The following EYA4 variants were observed in gnomAD, a reference collection of about 807,000 sequenced individuals.
The protein encoded by EYA4 is EYA transcriptional coactivator and phosphatase 4, also known as protein phosphatase EYA4.
A neutral mutation model predicts 87.9 loss-of-function variants in EYA4; 31 were observed. The ratio of observed to expected loss-of-function variants is 0.35; its 90% CI spans 0.27 to 0.48. The LOEUF is 0.48. Ranked by LOEUF, EYA4 falls within the 20% of genes least tolerant of loss-of-function variation. EYA4 has a pLI of 0.99. For missense variants in EYA4, 678 were observed against 761.4 expected (o/e 0.89, Z 1.29); for synonymous variants, 263 against 270.6 (o/e 0.97, Z 0.28).
intron 1 of EYA4, among the ~76,000 whole-genome samples, chr6:133,259,827 A>G (rs1304323129): frequency 6.6e-6 from 1 of 152,176 alleles, no homozygotes; most frequent in African/African-American, 2.4e-5. Flanking sequence ...GATTCCTGAG[A>G]AATTAATGTT....
At chr6:133,357,869 A>G (rs1422253458) in intron 2 of EYA4, among the ~76,000 whole-genome samples, 1 of 151,894 alleles carries the variant, frequency 6.6e-6, no homozygotes, top group Non-Finnish European at 1.5e-5. Context: ...TTTTTTATAT[A>G]TAATACTTAT....
At chr6:133,398,175 A>G (rs1787963277) in intron 3 of EYA4, among the ~76,000 whole-genome samples, 1 of 152,214 alleles carries the variant, frequency 6.6e-6, no homozygotes, top group Non-Finnish European at 1.5e-5. Context: ...GAAACAGAGG[A>G]ATCGTGAAAG....
At chr6:133,276,608 C>A (rs1182393535) in intron 2 of EYA4, among the ~76,000 whole-genome samples, 1 of 152,124 alleles carries the variant, frequency 6.6e-6, no homozygotes, top group Non-Finnish European at 1.5e-5. Context: ...TCCAGTGATG[C>A]TAGTGAGCAG....
chr6:133,352,381 C>T (rs1401607195), intron 2 of EYA4, among the ~76,000 whole-genome samples: 1 of 151,962 alleles, frequency 6.6e-6, no homozygotes, highest in African/African-American at 2.4e-5. Flanking sequence ...TGAGGAGGAG[C>T]TTAAAAGGTA....
chr6:133,244,464 T>C (rs1774241449), intron 1 of EYA4, among the ~76,000 whole-genome samples: 2 of 152,066 alleles, frequency 1.3e-5, no homozygotes, highest in Admixed American at 1.3e-4. Flanking sequence ...AAAGGAATAA[T>C]AATTATTAAT....
In EYA4 at chr6:133,525,231, G is replaced by A; in HGVS notation, c.1816G>A (p.Glu606Lys). ...VVYVVIGDGV[E>K]EEQAAKKHNM... Reference sequence around the variant, plus strand: ...GTATGTTGTAATTGGGGATGGTGTAGAAGAAGAACAGGCAGCAAAAAAGGT... The same window carrying A: ...GTATGTTGTAATTGGGGATGGTGTAAAAGAAGAACAGGCAGCAAAAAAGGT... Residue 606 changes from glutamate (E) to lysine (K), a missense_variant, in exon 19 of 20, where the codon GAA (glutamate) becomes AAA (lysine). Transcript: ENST00000355286. 1 of 1,613,546 alleles carries A rather than the reference G, an allele frequency of 6.2e-7. No homozygotes were observed. Among genetic ancestry groups the A allele is most frequent in the South Asian group, 1.1e-5 (1 of 91,066 alleles).
chr6:133,420,843 T>A (rs1790156796), intron 3 of EYA4, among the ~76,000 whole-genome samples: 1 of 152,214 alleles, frequency 6.6e-6, no homozygotes, highest in Non-Finnish European at 1.5e-5. Flanking sequence ...AGACAAGTAC[T>A]TCTCTAAACT....
intron 13 of EYA4, among the ~76,000 whole-genome samples, chr6:133,486,677 C>T (rs1393174552): frequency 6.6e-6 from 1 of 152,078 alleles, no homozygotes; most frequent in Non-Finnish European, 1.5e-5. Flanking sequence ...AGGAGCTAGC[C>T]CTACAAATTA....
chr6:133,518,193 A>G (rs1490853270), intron 17 of EYA4, among the ~76,000 whole-genome samples: 4 of 152,018 alleles, frequency 2.6e-5, no homozygotes, highest in Admixed American at 2.0e-4. Flanking sequence ...GATGTCTTCT[A>G]TATAAGTTAA....
intron 11 of EYA4, among the ~76,000 whole-genome samples, chr6:133,474,897 A>C (rs1251310134): frequency 1.3e-5 from 2 of 152,142 alleles, no homozygotes; most frequent in African/African-American, 4.8e-5. Flanking sequence ...GCTGAATTCT[A>C]CTTTTATAAT....
At chr6:133,385,371 T>G (rs1786632582) in intron 3 of EYA4, among the ~76,000 whole-genome samples, 1 of 147,494 alleles carries the variant, frequency 6.8e-6, no homozygotes, top group African/African-American at 2.5e-5. Context: ...CTCTCCTCTG[T>G]GTGTGTATGT....
At chr6:133,404,495 T>G (rs183807068) in intron 3 of EYA4, among the ~76,000 whole-genome samples, 4 of 152,198 alleles carry the variant, frequency 2.6e-5, no homozygotes, top group African/African-American at 9.7e-5. Flanking sequence ...AGCTGTTTTT[T>G]TTTTCGTATT....
intron 13 of EYA4, among the ~76,000 whole-genome samples, chr6:133,484,676 C>G (rs1351754562): frequency 6.6e-6 from 1 of 152,146 alleles, no homozygotes; most frequent in Non-Finnish European, 1.5e-5. Flanking sequence ...ATTGGCTTAT[C>G]AGAAGTACAC....
intron 2 of EYA4, among the ~76,000 whole-genome samples, chr6:133,305,751 G>A (rs909772464): frequency 6.6e-6 from 1 of 152,068 alleles, no homozygotes; most frequent in Admixed American, 6.6e-5. Context: ...TGCTACATGT[G>A]GTACCACTGG....
chr6:133,507,820 G>A (rs754919744), intron 14 of EYA4, among the ~76,000 whole-genome samples: 59 of 152,022 alleles, frequency 3.9e-4, no homozygotes, highest in Non-Finnish European at 7.4e-4. Flanking sequence ...ATTGAACATT[G>A]CTGCAGTAAA....
chr6:133,339,924 C>T lies in EYA4; in HGVS notation c.34-42468C>T, dbSNP rs548791884. Among the ~76,000 whole-genome samples the T allele has an allele frequency of 4.6e-5, 7 of 152,148 alleles. No individual in the cohort carries two copies. The South Asian group carries it at 8.3e-4, about 18-fold the overall frequency. ...TAACATGATGTCAAATCATCAGGGA[C>T]GGTGGCCAAGGATGGATTACAGAGG... On this transcript the variant is annotated intron_variant, in intron 2 of 19. Coordinates refer to ENST00000355286, the MANE Select transcript of EYA4 (RefSeq NM_004100.5).
chr6:133,475,904 G>A (rs761241352), intron 11 of EYA4, among the ~76,000 whole-genome samples: 5 of 152,260 alleles, frequency 3.3e-5, no homozygotes, highest in East Asian at 3.9e-4. Flanking sequence ...CAGATGTATC[G>A]CATGGCCTCT....
intron 3 of EYA4, chr6:133,439,335 A>T (rs1040732647): frequency 3.3e-5 from 5 of 152,114 alleles, no homozygotes; most frequent in Admixed American, 2.0e-4. Flanking sequence ...CACATGCTTG[A>T]TTTCACAGCT....
intron 13 of EYA4, among the ~76,000 whole-genome samples, chr6:133,484,575 T>C (rs570404527): frequency 1.8e-4 from 27 of 152,300 alleles, no homozygotes; most frequent in African/African-American, 5.5e-4. Flanking sequence ...TATACAGAAA[T>C]TTGGAGTACA....
Sources: gnomAD v4.1 joint callset for allele counts (sites outside exome capture counted in the v4.1 genomes callset) on GRCh38, gnomAD v4.1.1 for gene constraint, MANE v1.5 for transcripts, NCBI Gene and HGNC (gene_info 2026-07-23, HGNC 2026-07-21) for gene names.